LRFN5: variants seen among roughly 807,000 people sequenced by gnomAD.
The protein encoded by LRFN5 is leucine-rich repeat and fibronectin type-III domain-containing protein 5.
In LRFN5, 24 loss-of-function variants were observed where a neutral mutation model predicts 45.6. That is an observed-to-expected ratio of 0.53 (90% CI 0.38 to 0.74). The LOEUF (loss-of-function observed/expected upper bound fraction) is 0.74, where lower values mean the gene tolerates loss of function less well. LRFN5 is among the 30% of genes least tolerant of loss of function. LRFN5 has a pLI of 0.00. For missense variants in LRFN5, 776 were observed against 861.5 expected, an observed-to-expected ratio of 0.90 and a Z score of 1.24; for synonymous variants, 340 against 313.8, an observed-to-expected ratio of 1.08 and a Z score of -0.88.
chr14:41,783,949 A>G (rs867597569), intron 2 of LRFN5, among the ~76,000 whole-genome samples: 1 of 152,144 alleles, frequency 6.6e-6, no homozygotes, highest in South Asian at 2.1e-4. Context: ...TATAGTACCC[A>G]AATCATGAAT....
At chr14:41,685,433 T>C (rs1442105057) in intron 1 of LRFN5, among the ~76,000 whole-genome samples, 1 of 151,736 alleles carries the variant, frequency 6.6e-6, no homozygotes, top group Non-Finnish European at 1.5e-5. Flanking sequence ...TAGAGAAAAA[T>C]GTGTTGCTTT....
intron 2 of LRFN5, among the ~76,000 whole-genome samples, chr14:41,848,631 T>C (rs1157930200): frequency 1.3e-5 from 2 of 152,016 alleles, no homozygotes; most frequent in African/African-American, 4.8e-5. Context: ...ACACTATGAA[T>C]TGGGAAATTC....
chr14:41,822,631 A>G lies in LRFN5; in HGVS notation c.-21+55602A>G, dbSNP rs556866893. Among the ~76,000 whole-genome samples, 293 of 152,062 alleles carry G rather than the reference A, an allele frequency of 1.9e-3. 2 individuals carry two copies. Among genetic ancestry groups the G allele is most frequent in the Non-Finnish European group, 3.5e-3 (237 of 67,876 alleles). On this transcript the variant is annotated intron_variant, in intron 2 of 5. Coordinates refer to ENST00000298119, the MANE Select transcript of LRFN5 (RefSeq NM_152447.5). ...AAAAATGTATATTCTGTTGTTGGGA[A>G]CAATGTTCTGTAAATGTCTGTTAGG...
At chr14:41,880,117 T>A (rs145705707) in intron 2 of LRFN5, among the ~76,000 whole-genome samples, 1 of 151,318 alleles carries the variant, frequency 6.6e-6, no homozygotes, top group South Asian at 2.1e-4. Flanking sequence ...TTAGTAGAGA[T>A]GGGGTTTCAC....
In LRFN5 at chr14:41,887,010, A is replaced by G. The variant is rs1354667373; in HGVS notation, c.385A>G (p.Ile129Val). 1.2e-6 allele frequency: 2 copies of G among 1,614,066 alleles called. No individual in the cohort carries two copies. The highest frequency in any genetic ancestry group is 1.7e-6 in the Non-Finnish European group (2 of 1,180,042). ...FSGLSNLHHL[I>V]LNNNQLTLIS... is the part of the protein sequence containing the mutation. Reference sequence around the variant, plus strand: ...TGGTCTTTCCAATCTTCATCATTTGATACTGAACAACAATCAGCTGACTTT... The same window carrying G: ...TGGTCTTTCCAATCTTCATCATTTGGTACTGAACAACAATCAGCTGACTTT... Residue 129 changes from isoleucine to valine, a missense_variant, in exon 3 of 6, where the codon ATA becomes GTA. Physicochemically the swap from Ile to Val is conservative, Grantham distance 29. Transcript: ENST00000298119. The surrounding 1 kb of genome is among the most constrained non-coding windows in gnomAD (Gnocchi z 4.8).
intron 2 of LRFN5, among the ~76,000 whole-genome samples, chr14:41,775,616 C>T (rs1030308102): frequency 2.0e-5 from 3 of 152,074 alleles, no homozygotes; most frequent in Non-Finnish European, 4.4e-5. Context: ...CCATTACAGG[C>T]AAATAAGCAT....
At chr14:41,637,628 A>T (rs1395147540) in intron 1 of LRFN5, among the ~76,000 whole-genome samples, 1 of 152,064 alleles carries the variant, frequency 6.6e-6, no homozygotes, top group Non-Finnish European at 1.5e-5. Flanking sequence ...CATTGGGTGG[A>T]TCCGTGTTAT....
chr14:41,710,514 T>C (rs1299208196), intron 1 of LRFN5, among the ~76,000 whole-genome samples: 1 of 152,124 alleles, frequency 6.6e-6, no homozygotes, highest in African/African-American at 2.4e-5. Context: ...AGATACTGTT[T>C]TATGAAGATA....
intron 2 of LRFN5, among the ~76,000 whole-genome samples, chr14:41,875,619 A>C (rs2031271): frequency 0.18 from 27,783 of 152,180 alleles, 2,900 homozygotes; most frequent in Middle Eastern, 0.26. Context: ...TTAAAAGAAA[A>C]CTTAGCATTC....
At chr14:41,885,091 T>A (rs950873192) in intron 2 of LRFN5, among the ~76,000 whole-genome samples, 1 of 150,838 alleles carries the variant, frequency 6.6e-6, no homozygotes, top group African/African-American at 2.4e-5. Context: ...TGCCTGTACT[T>A]GCAGCACTTT....
chr14:41,627,365 C>T (rs2138571656), intron 1 of LRFN5, among the ~76,000 whole-genome samples: 1 of 152,208 alleles, frequency 6.6e-6, no homozygotes. Flanking sequence ...AACAAACACA[C>T]ATACACAAAA....
intron 1 of LRFN5, among the ~76,000 whole-genome samples, chr14:41,646,267 G>A (rs1879814775): frequency 6.6e-6 from 1 of 152,094 alleles, no homozygotes; most frequent in African/African-American, 2.4e-5. Context: ...CTATCCCATT[G>A]ATTGGATGCT....
chr14:41,689,204 G>T (rs1178085248), intron 1 of LRFN5, among the ~76,000 whole-genome samples: 2 of 152,070 alleles, frequency 1.3e-5, no homozygotes, highest in Admixed American at 1.3e-4. Context: ...AGCTAGAAAA[G>T]AGAAGAGAAT....
intron 2 of LRFN5, among the ~76,000 whole-genome samples, chr14:41,862,695 C>T (rs1304192755): frequency 6.6e-6 from 1 of 152,002 alleles, no homozygotes; most frequent in Non-Finnish European, 1.5e-5. Flanking sequence ...CTATAATTGA[C>T]AACTTTATTT....
At chr14:41,678,259 C>CATACATATACAT (rs200262029) in intron 1 of LRFN5, among the ~76,000 whole-genome samples, 7 of 151,424 alleles carry the variant, frequency 4.6e-5, no homozygotes, top group African/African-American at 1.7e-4. Context: ...TACATACATA[C>CATACATATACAT]ATACATATAC....
At chr14:41,785,420 C>G (rs1886682868) in intron 2 of LRFN5, among the ~76,000 whole-genome samples, 1 of 151,838 alleles carries the variant, frequency 6.6e-6, no homozygotes, top group African/African-American at 2.4e-5. Flanking sequence ...GGATTATATA[C>G]TTATACTTCT....
chr14:41,889,106 A>ATG (rs199626506), intron 3 of LRFN5, among the ~76,000 whole-genome samples: 16 of 67,162 alleles, frequency 2.4e-4, no homozygotes, highest in African/African-American at 7.9e-4. Context: ...GTCTATATAT[A>ATG]TATGTCTCTA....
At chr14:41,801,246 A>T (rs1007808164) in intron 2 of LRFN5, among the ~76,000 whole-genome samples, 2 of 152,056 alleles carry the variant, frequency 1.3e-5, no homozygotes, top group Admixed American at 6.6e-5. Flanking sequence ...TGGAACAACA[A>T]TCCTCCCTTA....
At chr14:41,844,949 G>A (rs1345094334) in intron 2 of LRFN5, among the ~76,000 whole-genome samples, 1 of 152,068 alleles carries the variant, frequency 6.6e-6, no homozygotes, top group Non-Finnish European at 1.5e-5. Flanking sequence ...CATGTAAAAT[G>A]TAAAATTAAA....
Sources: allele counts gnomAD v4.1 joint callset (sites outside exome capture counted in the v4.1 genomes callset), GRCh38; gene constraint gnomAD v4.1.1; non-coding constraint Gnocchi (gnomAD v3.1); transcripts MANE v1.5; gene names NCBI Gene and HGNC (gene_info 2026-07-23, HGNC 2026-07-21).